The following ACAP1 variants were observed in gnomAD, a reference collection of about 807,000 sequenced individuals.
The protein encoded by ACAP1 is arf-GAP with coiled-coil, ANK repeat and PH domain-containing protein 1.
In ACAP1, 45 loss-of-function variants were observed where a neutral mutation model predicts 98.8. The observed-to-expected ratio is 0.46, with a 90% CI of 0.36 to 0.58. The LOEUF (loss-of-function observed/expected upper bound fraction) is 0.58, where lower values mean the gene tolerates loss of function less well. Ranked by LOEUF, ACAP1 falls within the 20% of genes least tolerant of loss-of-function variation. The pLI is 0.00. For missense variants in ACAP1, 735 were observed against 971.4 expected (o/e 0.76, Z 3.24); for synonymous variants, 362 against 375.3 (o/e 0.96, Z 0.41).
intron 2 of ACAP1, among the ~76,000 whole-genome samples, chr17:7,338,422 T>A (rs1364080467): frequency 6.6e-6 from 1 of 151,116 alleles, no homozygotes; most frequent in Non-Finnish European, 1.5e-5. Context: ...CCTGGATAAT[T>A]TTTTTTCTTT....
In ACAP1 at chr17:7,350,611, CTTTTTT is replaced by C; in HGVS notation, c.2073-329_2073-324del. 3.8e-6 allele frequency: 1 copy of C among 263,934 alleles called. No homozygotes were observed. 16.3% of individuals were successfully genotyped at this position (263,934 alleles called of 1,614,324 possible). A position where few individuals can be genotyped will look rare whatever the true frequency, so the allele number is the denominator to read the frequency against. On this transcript the variant is annotated intron_variant, in intron 20 of 21. Transcript: ENST00000158762. The surrounding 1 kb of genome is among the most constrained non-coding windows in gnomAD (Gnocchi z 4.6). ...AAGTTGTGGGGGAGGTGAGGATAGT[CTTTTTT>C]TTTTTTTTTGAGACGGAGTCTCACT... is the stretch of plus-strand genomic sequence containing the variant.
chr17:7,340,267 C>G (rs770915119), intron 2 of ACAP1, among the ~76,000 whole-genome samples: 1 of 152,074 alleles, frequency 6.6e-6, no homozygotes, highest in Non-Finnish European at 1.5e-5. Flanking sequence ...GACCTCAACT[C>G]TAAAAATAAT....
rs1164503779 is a variant in ACAP1 at position 7,343,433 on chromosome 17, C to G, written c.399C>G (p.Ser133Arg). ...ARRDFWRGAESLEAALTHNAE... is the reference protein window; with the variant it reads ...ARRDFWRGAERLEAALTHNAE... ...GGGATTTCTGGCGGGGGGCTGAGAG[C>G]CTGGAGGCTGCCCTGACCCACAACG... The change falls in exon 6 of 22, where the codon AGC (serine) becomes AGG (arginine). Residue 133 changes from serine to arginine, a missense_variant. Physicochemically the swap from Ser to Arg is moderately radical, Grantham distance 110 (BLOSUM62 -1). Transcript: ENST00000158762. The surrounding 1 kb of genome is among the most constrained non-coding windows in gnomAD (Gnocchi z 4.9). 2 of 1,613,970 alleles carry G rather than the reference C, an allele frequency of 1.2e-6. No homozygotes were observed. The highest frequency in any genetic ancestry group is 2.7e-5 in the African/African-American group (2 of 75,038).
In ACAP1 at chr17:7,350,101, C is replaced by T. The variant is rs1036864302; in HGVS notation, c.1962-26C>T. ...GGAAGGCTGGGAGAAGTTGGGCGGC[C>T]GGCTGACCCTGGCTCTTCTCTCCAG... On this transcript the variant is annotated intron_variant, in intron 19 of 21. Transcript: ENST00000158762. The surrounding 1 kb of genome is among the most constrained non-coding windows in gnomAD (Gnocchi z 4.6). 6.2e-7 allele frequency: 1 copy of T among 1,613,346 alleles called. No individual in the cohort carries two copies. The highest frequency in any genetic ancestry group is 8.5e-7 in the Non-Finnish European group (1 of 1,179,364).
chr17:7,347,478 G>A (rs895925355), intron 14 of ACAP1: 3 of 527,850 alleles, frequency 5.7e-6, no homozygotes, highest in African/African-American at 3.8e-5. Flanking sequence ...CCCAGAATTT[G>A]TTGGCTTGGT....
Position 7,343,008 on chromosome 17 carries a change from A to G in ACAP1, c.345-371A>G. The G allele has an allele frequency of 4.6e-6, 1 of 216,238 alleles. No individual in the cohort carries two copies. The highest frequency in any genetic ancestry group is 9.2e-6 in the Non-Finnish European group (1 of 108,964). The allele number at this position is 216,238 out of a possible 1,614,324, so 13.4% of individuals were successfully genotyped here. A position where few individuals can be genotyped will look rare whatever the true frequency, so the allele number is the denominator to read the frequency against. Reference sequence around the variant, plus strand: ...AGGCAGGAGAATTGCTTGAGCCTGGAGGTCAGGGCTGCGGTGAGCCATGAT... The same window carrying G: ...AGGCAGGAGAATTGCTTGAGCCTGGGGGTCAGGGCTGCGGTGAGCCATGAT... On this transcript the variant is annotated intron_variant, in intron 5 of 21. Transcript: ENST00000158762. This position sits in a 1 kb window ranked among gnomAD's most constrained non-coding sequence, Gnocchi z 4.9.
Position 7,344,699 on chromosome 17 carries a change from C to G in ACAP1, c.854+51C>G. On this transcript the variant is annotated intron_variant, in intron 10 of 21. Coordinates refer to ENST00000158762, the MANE Select transcript of ACAP1 (RefSeq NM_014716.4). The surrounding 1 kb of genome is among the most constrained non-coding windows in gnomAD (Gnocchi z 4.9). The stretch of plus-strand genomic sequence containing the variant: ...CCCGCCCCACCCAATGATGTATTTT[C>G]GAGTGGTAATAGCACACTAAGCACT... The G allele has an allele frequency of 7.3e-7, 1 of 1,378,270 alleles. No individual in the cohort carries two copies. Among genetic ancestry groups the G allele is most frequent in the Non-Finnish European group, 1.0e-6 (1 of 989,814 alleles). The allele number at this position is 1,378,270 out of a possible 1,614,324, so 85.4% of individuals were successfully genotyped here. A position where few individuals can be genotyped will look rare whatever the true frequency, so the allele number is the denominator to read the frequency against.
chr17:7,349,862 T>C, intron 18 of ACAP1, 83 bp from the exon 19 acceptor site: 2 of 1,165,130 alleles, frequency 1.7e-6, no homozygotes, highest in Admixed American at 2.2e-5. Context: ...TCCCATTCTC[T>C]GAACTGGCGC....
intron 18 of ACAP1, 145 bp from the exon 19 acceptor site, chr17:7,349,800 G>C: frequency 1.5e-6 from 1 of 647,492 alleles, no homozygotes; most frequent in Non-Finnish European, 2.7e-6. Context: ...AGCCTAGCTT[G>C]GTTACAGTTA....
Position 7,351,416 on chromosome 17 carries a change from C to T in ACAP1, c.*21C>T, listed in dbSNP as rs1361801791. On this transcript the variant is annotated 3_prime_UTR_variant, in exon 22 of 22. Coordinates refer to ENST00000158762, the MANE Select transcript of ACAP1 (RefSeq NM_014716.4). The stretch of plus-strand genomic sequence containing the variant: ...TGTGACCCGAGGCCCACGGGGCCCG[C>T]GCCTGCCTCCCTTCCCCGCCACCGG... The T allele has an allele frequency of 3.2e-6, 5 of 1,570,740 alleles. No individual in the cohort carries two copies. The highest frequency in any genetic ancestry group is 4.4e-6 in the Non-Finnish European group (5 of 1,148,796).
At chr17:7,349,197 C>T (rs1350207122) in intron 18 of ACAP1, 30 bp downstream of exon 18, 1 of 1,611,028 alleles carries the variant, frequency 6.2e-7, no homozygotes, top group Admixed American at 1.7e-5. Context: ...CTCCACCCCA[C>T]CCTAGGGCTC....
Position 7,343,762 on chromosome 17 carries a change from C to CG in ACAP1, c.573+17dup, listed in dbSNP as rs1037325637. On this transcript the variant is annotated intron_variant, in intron 7 of 21. Coordinates refer to ENST00000158762, the MANE Select transcript of ACAP1 (RefSeq NM_014716.4). This position sits in a 1 kb window ranked among gnomAD's most constrained non-coding sequence, Gnocchi z 4.9. ...ACATCATGGAGTTTGTGAGTTGTGG[C>CG]GGGGGTGAGGGCAGGGTGGAGAAGA... The CG allele has an allele frequency of 1.7e-5, 27 of 1,613,472 alleles. No homozygotes were observed. The highest frequency in any genetic ancestry group is 1.6e-4 in the Middle Eastern group (1 of 6,082).
At position 7,350,767 on chromosome 17, in the gene ACAP1, C is replaced by A. The variant is rs767551535; in HGVS notation, c.2073-183C>A. On this transcript the variant is annotated intron_variant, in intron 20 of 21. Transcript: ENST00000158762. This position sits in a 1 kb window ranked among gnomAD's most constrained non-coding sequence, Gnocchi z 4.6. ...CTGGGACTACAGGCGTGCGCCACCA[C>A]CCCCGGCTAATTTTTTGTATTTTTA... The A allele has an allele frequency of 6.5e-5, 37 of 568,028 alleles. No individual in the cohort carries two copies. Among genetic ancestry groups the A allele is most frequent in the Non-Finnish European group, 1.0e-4 (32 of 318,544 alleles). 35.2% of individuals were successfully genotyped at this position (568,028 alleles called of 1,614,324 possible).
Position 7,346,898 on chromosome 17 carries a change from T to C in ACAP1, c.1098T>C (p.Ala366=), listed in dbSNP as rs1304026987. 6.2e-7 allele frequency: 1 copy of C among 1,613,016 alleles called. No homozygotes were observed. The highest frequency in any genetic ancestry group is 8.5e-7 in the Non-Finnish European group (1 of 1,179,242). ...GCATTGCTTCTGCCTTCAGTCAGGC[T>C]CGCCTTGATGACAGCCCCCGGGGTC... The part of the protein sequence containing the change: ...QSSIASAFSQ[A]RLDDSPRGPG... Residue 366 remains alanine (A), a synonymous_variant, in exon 13 of 22, where the codon GCT becomes GCC. Coordinates refer to ENST00000158762, the MANE Select transcript of ACAP1 (RefSeq NM_014716.4).
intron 2 of ACAP1, among the ~76,000 whole-genome samples, chr17:7,337,734 G>C (rs1233450664): frequency 6.6e-6 from 1 of 152,076 alleles, no homozygotes; most frequent in Admixed American, 6.5e-5. Context: ...CCCATCTGTA[G>C]CTCCAGCTAC....
Position 7,350,297 on chromosome 17 carries a change from C to A in ACAP1, c.2072+60C>A. On this transcript the variant is annotated intron_variant, in intron 20 of 21. Transcript: ENST00000158762. This position sits in a 1 kb window ranked among gnomAD's most constrained non-coding sequence, Gnocchi z 4.6. ...GACTCCCCCCACCCCCGCCCACCCA[C>A]GTTCGGGCGGGCGGGCGGGGCTGAC... The A allele has an allele frequency of 7.4e-7, 1 of 1,357,084 alleles. No homozygotes were observed. The highest frequency in any genetic ancestry group is 1.2e-5 in the South Asian group (1 of 83,282). The allele number at this position is 1,357,084 out of a possible 1,614,324, so 84.1% of individuals were successfully genotyped here.
In ACAP1 at chr17:7,343,700, C is replaced by T; in HGVS notation, c.529-6C>T. ...GGGTTTTTTACGTCCTCTTTTACGTCCTCAGATCAACGTGATTGAGGACAA... is the reference window on the plus strand; with the variant it reads ...GGGTTTTTTACGTCCTCTTTTACGTTCTCAGATCAACGTGATTGAGGACAA... On this transcript the variant is annotated splice_region_variant and splice_polypyrimidine_tract_variant and intron_variant, in intron 6 of 21. Transcript: ENST00000158762. This position sits in a 1 kb window ranked among gnomAD's most constrained non-coding sequence, Gnocchi z 4.9. 1 of 1,613,718 alleles carries T rather than the reference C, an allele frequency of 6.2e-7. No individual in the cohort carries two copies. The highest frequency in any genetic ancestry group is 8.5e-7 in the Non-Finnish European group (1 of 1,179,776).
rs753357219 is a variant in ACAP1, at chr17:7,342,490, G to A, written c.344+16G>A. ...TGGTCAAGGAGTGAGATGGGGCCGG[G>A]CGCAGTGGCTCATGCCTGTAATCCC... On this transcript the variant is annotated intron_variant, in intron 5 of 21. Transcript: ENST00000158762. 1.2e-6 allele frequency: 2 copies of A among 1,613,850 alleles called. No individual in the cohort carries two copies. Among genetic ancestry groups the A allele is most frequent in the Admixed American group, 3.3e-5 (2 of 60,020 alleles).
In ACAP1 at chr17:7,341,865, G is replaced by T. The variant is rs1390697348; in HGVS notation, c.112-83G>T. 6 of 1,585,076 alleles carry T rather than the reference G, an allele frequency of 3.8e-6. No individual in the cohort carries two copies. The African/African-American group carries it at 8.1e-5, about 21-fold the overall frequency. ...TAGGGGAGCGCCGCCCTGGGCAAGG[G>T]GAGAGGAAGTGGGGCAGGTGTGGGG... On this transcript the variant is annotated intron_variant, in intron 2 of 21. Transcript: ENST00000158762.
Sources: gnomAD v4.1 joint callset for allele counts (sites outside exome capture counted in the v4.1 genomes callset) on GRCh38, gnomAD v4.1.1 for gene constraint, Gnocchi (gnomAD v3.1) non-coding constraint, MANE v1.5 for transcripts, NCBI Gene and HGNC (gene_info 2026-07-23, HGNC 2026-07-21) for gene names.